LRIG2: variants seen among roughly 807,000 people sequenced by gnomAD.
The protein encoded by LRIG2 is leucine rich repeats and immunoglobulin like domains 2, also known as leucine-rich repeats and immunoglobulin-like domains protein 2.
A neutral mutation model predicts 107.8 loss-of-function variants in LRIG2; 93 were observed. That is an observed-to-expected ratio of 0.86 (90% confidence interval 0.73 to 1.03). LRIG2 has a LOEUF of 1.03. Among genes scored for constraint, LRIG2 ranks in the 50% least tolerant of loss-of-function variants. The pLI is 0.00. For missense variants in LRIG2, 1,226 were observed against 1,296.0 expected (o/e 0.95, Z 0.83); for synonymous variants, 471 against 470.6 (o/e 1.00, Z -0.01).
chr1:113,083,382 G>T (rs1173092898), intron 1 of LRIG2, among the ~76,000 whole-genome samples: 1 of 122,242 alleles, frequency 8.2e-6, no homozygotes, highest in Non-Finnish European at 1.6e-5. Context: ...GTCTTGTTCT[G>T]TTGCCCAGGC....
At chr1:113,121,430 A>G (rs1655250568) in intron 17 of LRIG2, among the ~76,000 whole-genome samples, 1 of 152,060 alleles carries the variant, frequency 6.6e-6, no homozygotes, top group East Asian at 1.9e-4. Context: ...TCAGCCTGAC[A>G]TGGAAGAGCA....
At chr1:113,122,587 TTTTGTAA>T (rs1655309992) in intron 17 of LRIG2, among the ~76,000 whole-genome samples, 1 of 152,246 alleles carries the variant, frequency 6.6e-6, no homozygotes, top group South Asian at 2.1e-4. Context: ...GTCCCATCTT[TTTTGTAA>T]CTTTGGGGAT....
chr1:113,127,569 A>AT lies in LRIG2; in HGVS notation c.*3481dup, dbSNP rs59848515. 16,671 of 125,874 alleles carry AT rather than the reference A, an allele frequency of 0.13. 1,044 individuals carry two copies. The highest frequency in any genetic ancestry group is 0.19 in the Admixed American group (2,395 of 12,618). 7.8% of individuals were successfully genotyped at this position (125,874 alleles called of 1,614,324 possible). On this transcript the variant is annotated 3_prime_UTR_variant, in exon 18 of 18. Transcript: ENST00000361127. ...ACTGTAAAGCCTTGTAGTGGTCCTT[A>AT]TTTTTTTTTTTTTGAGACGGAGTCT...
chr1:113,081,133 G>T (rs1320501985), intron 1 of LRIG2, among the ~76,000 whole-genome samples: 3 of 152,028 alleles, frequency 2.0e-5, no homozygotes, highest in Non-Finnish European at 2.9e-5. Context: ...GAGCCACCGC[G>T]CCTGGCCCAA....
intron 8 of LRIG2, among the ~76,000 whole-genome samples, chr1:113,098,090 T>G (rs1654143761): frequency 6.6e-6 from 1 of 152,216 alleles, no homozygotes. Flanking sequence ...CATGATGTGG[T>G]ACAATTGCAT....
rs1466447554 is a variant in LRIG2, at chr1:113,073,457, A to C, written c.51A>C (p.Arg17=). 1.2e-6 allele frequency: 2 copies of C among 1,613,858 alleles called. No homozygotes were observed. The highest frequency in any genetic ancestry group is 1.7e-6 in the Non-Finnish European group (2 of 1,179,976). The change falls in exon 1 of 18, where the codon CGA becomes CGC. Residue 17 remains arginine, a synonymous_variant. Transcript: ENST00000361127. ...GVPEEQLLGC[R]SRVLSRLLFI... is the part of the protein sequence containing the mutation. The stretch of plus-strand genomic sequence containing the variant: ...CGGAGGAGCAGTTGCTGGGGTGTCG[A>C]TCTAGAGTGCTTTCTCGGTTACTCT...
chr1:113,111,715 A>G (rs1334504516), intron 13 of LRIG2, among the ~76,000 whole-genome samples: 1 of 152,210 alleles, frequency 6.6e-6, no homozygotes, highest in Non-Finnish European at 1.5e-5. Flanking sequence ...CAACCAAAAG[A>G]TGTACTTATG....
intron 11 of LRIG2, among the ~76,000 whole-genome samples, chr1:113,101,133 C>T (rs138085691): frequency 0.02 from 3,028 of 152,134 alleles, 95 homozygotes; most frequent in African/African-American, 0.069. Flanking sequence ...TGCAGTGGTG[C>T]GATCTCGGCC....
chr1:113,073,699 C>T, intron 1 of LRIG2, 54 bp downstream of exon 1: 2 of 1,513,062 alleles, frequency 1.3e-6, no homozygotes, highest in Admixed American at 1.7e-5. Context: ...CTTCCCTCTA[C>T]AGGGGGCAGG....
rs1653816528 is a variant in LRIG2, at chr1:113,091,363, A to G, written c.285A>G (p.Glu95=). The G allele has an allele frequency of 6.2e-7, 1 of 1,600,534 alleles. No individual in the cohort carries two copies. Among genetic ancestry groups the G allele is most frequent in the Non-Finnish European group, 8.5e-7 (1 of 1,171,504 alleles). Residue 95 remains glutamate, a synonymous_variant, in exon 2 of 18, where the codon GAA becomes GAG. Transcript: ENST00000361127. ...TGTCTAACTGGAACATCAGCTTGGA[A>G]TCACAAACATTACAGGAAGTGTAAG... ...NRLSNWNISL[E]SQTLQEVKMN...
intron 17 of LRIG2, among the ~76,000 whole-genome samples, chr1:113,120,275 C>A (rs1397452330): frequency 6.6e-6 from 1 of 151,538 alleles, no homozygotes; most frequent in East Asian, 2.0e-4. Context: ...CATAGGGAAA[C>A]CCTGTCTCCA....
intron 11 of LRIG2, among the ~76,000 whole-genome samples, chr1:113,107,087 T>C (rs1298637594): frequency 6.6e-6 from 1 of 152,166 alleles, no homozygotes; most frequent in East Asian, 1.9e-4. Flanking sequence ...AATATATATA[T>C]ACATATATGC....
In LRIG2 at chr1:113,098,708, C is replaced by T. The variant is rs1472100292; in HGVS notation, c.1095C>T (p.Asp365=). The change falls in exon 9 of 18, where the codon GAC becomes GAT. Residue 365 remains aspartate (D), a synonymous_variant. Coordinates refer to ENST00000361127, the MANE Select transcript of LRIG2 (RefSeq NM_014813.3). Reference sequence around the variant, plus strand: ...TCTTTCTCTGACATTTTTGTAGAGACTTAAGAAACAATGAAATTTCATGGG... The same window carrying T: ...TCTTTCTCTGACATTTTTGTAGAGATTTAAGAAACAATGAAATTTCATGGG... ...FRFLSNLQTL[D]LRNNEISWAI... is the part of the protein sequence containing the mutation. 16 of 1,607,686 alleles carry T rather than the reference C, an allele frequency of 1.0e-5. No individual in the cohort carries two copies. The highest frequency in any genetic ancestry group is 5.0e-5 in the Admixed American group (3 of 59,968).
chr1:113,108,923 C>G (rs1216641884), intron 12 of LRIG2, among the ~76,000 whole-genome samples: 1 of 152,056 alleles, frequency 6.6e-6, no homozygotes, highest in Non-Finnish European at 1.5e-5. Context: ...TGATTCTTAG[C>G]TTTACATAGG....
rs1653952945 is a variant in LRIG2 at position 113,094,341 on chromosome 1, AT to A, written c.521del (p.Leu174Ter). 6.3e-7 allele frequency: 1 copy of A among 1,592,398 alleles called. No individual in the cohort carries two copies. Among genetic ancestry groups the A allele is most frequent in the African/African-American group, 1.4e-5 (1 of 73,542 alleles). ...SFPRMQLKYLNLSNNRITTLE... is the reference protein window; with the variant it reads ...SFPRMQLKYLXLSNNRITTLE... ...TGCTATTATCTTGTTTATTTTAGGA[AT>A]TTAAGTAATAACAGAATAACCACCT... On this transcript the variant is annotated frameshift_variant, in exon 5 of 18. Coordinates refer to ENST00000361127, the MANE Select transcript of LRIG2 (RefSeq NM_014813.3). LOFTEE classifies it high-confidence loss of function.
At chr1:113,101,941 A>G (rs1654323967) in intron 11 of LRIG2, among the ~76,000 whole-genome samples, 2 of 152,238 alleles carry the variant, frequency 1.3e-5, no homozygotes, top group Non-Finnish European at 2.9e-5. Context: ...GAAGATAAAT[A>G]ATAGACCAGT....
At chr1:113,122,250 T>A (rs1190224728) in intron 17 of LRIG2, among the ~76,000 whole-genome samples, 1 of 151,808 alleles carries the variant, frequency 6.6e-6, no homozygotes, top group Non-Finnish European at 1.5e-5. Flanking sequence ...GCTTGGCTAA[T>A]TTTTTGTATT....
In LRIG2 at chr1:113,114,725, G is replaced by T; in HGVS notation, c.2379G>T (p.Gln793His). The change falls in exon 15 of 18, where the codon CAG becomes CAT. Residue 793 changes from glutamine (Q) to histidine (H), a missense_variant. By Grantham distance (24) the Gln-to-His change is conservative. Around this residue, in one of 3 missense-constraint regions of LRIG2, gnomAD observed 642 missense variants for 712.2 expected, o/e 0.90. Transcript: ENST00000361127. ...CATCCCCCAATTGTGACTCTTCCCA[G>T]AGTAGCATTGGGCATGAAGATGATG... ...VISSPNCDSS[Q>H]SSIGHEDDGW... 6.2e-7 allele frequency: 1 copy of T among 1,614,188 alleles called. No individual in the cohort carries two copies. The highest frequency in any genetic ancestry group is 2.2e-5 in the East Asian group (1 of 44,890).
At chr1:113,081,556 C>G (rs550398749) in intron 1 of LRIG2, among the ~76,000 whole-genome samples, 2 of 152,140 alleles carry the variant, frequency 1.3e-5, no homozygotes, top group Admixed American at 1.3e-4. Flanking sequence ...ATCTCTTGAC[C>G]TCGTGATTGG....
Sources: allele counts gnomAD v4.1 joint callset (sites outside exome capture counted in the v4.1 genomes callset), GRCh38; gene constraint gnomAD v4.1.1; regional missense constraint gnomAD v4.1.1; transcripts MANE v1.5; gene names NCBI Gene and HGNC (gene_info 2026-07-23, HGNC 2026-07-21).